The following CIAO1 variants were observed in gnomAD, a reference collection of about 807,000 sequenced individuals.
The protein encoded by CIAO1 is probable cytosolic iron-sulfur protein assembly protein CIAO1.
In CIAO1, 32 loss-of-function variants were observed where a neutral mutation model predicts 43.1. The ratio of observed to expected loss-of-function variants is 0.74; its 90% CI spans 0.56 to 1.00. CIAO1 has a LOEUF of 1.00. CIAO1 is among the 50% of genes least tolerant of loss of function. CIAO1 has a pLI of 0.00. For missense variants in CIAO1, 415 were observed against 437.4 expected, an observed-to-expected ratio of 0.95 and a Z score of 0.46; for synonymous variants, 183 against 171.4, an observed-to-expected ratio of 1.07 and a Z score of -0.53.
chr2:96,271,096 TCA>T lies in CIAO1; in HGVS notation c.780-13_780-12del. Reference sequence around the variant, plus strand: ...AATTAGTCAGGTATACCCACTGATGTCACTTTCCTTCCAGGTGTCAGCTGACA... The same window carrying T: ...AATTAGTCAGGTATACCCACTGATGTCTTTCCTTCCAGGTGTCAGCTGACA... On this transcript the variant is annotated splice_polypyrimidine_tract_variant and intron_variant, in intron 6 of 6. Coordinates refer to ENST00000488633, the MANE Select transcript of CIAO1 (RefSeq NM_004804.3). The T allele has an allele frequency of 6.2e-7, 1 of 1,614,110 alleles. No individual in the cohort carries two copies. Among genetic ancestry groups the T allele is most frequent in the Non-Finnish European group, 8.5e-7 (1 of 1,180,008 alleles).
chr2:96,266,324 C>T lies in CIAO1; in HGVS notation c.-27C>T. 1 of 1,379,704 alleles carries T rather than the reference C, an allele frequency of 7.2e-7. No homozygotes were observed. The highest frequency in any genetic ancestry group is 9.5e-7 in the Non-Finnish European group (1 of 1,050,578). 85.5% of individuals were successfully genotyped at this position (1,379,704 alleles called of 1,614,324 possible). On this transcript the variant is annotated 5_prime_UTR_variant, in exon 1 of 7. Transcript: ENST00000488633. The stretch of plus-strand genomic sequence containing the variant: ...TGTCTGCTCAGCGGACTCTGCCCGC[C>T]CCCACCTCCCCCTGCGTCGGGCCGA...
rs1326425243 is a variant in CIAO1 at position 96,272,598 on chromosome 2, G to C, written c.*1247G>C. ...GGCTGAGGCGGGCGGATCACCTGAG[G>C]TCGGGAGTTCGAGGCCAGCCTGACC... On this transcript the variant is annotated 3_prime_UTR_variant, in exon 7 of 7. Coordinates refer to ENST00000488633, the MANE Select transcript of CIAO1 (RefSeq NM_004804.3). 6.6e-6 allele frequency: 1 copy of C among 152,168 alleles called. No homozygotes were observed. The highest frequency in any genetic ancestry group is 1.9e-4 in the East Asian group (1 of 5,206). The allele number at this position is 152,168 out of a possible 1,614,324, so 9.4% of individuals were successfully genotyped here.
Position 96,268,549 on chromosome 2 carries a change from A to G in CIAO1, c.582A>G (p.Glu194=), listed in dbSNP as rs1684481142. ...GCTGTGCCACCCTTGAGGGCCATGAATCCACTGTGTGGAGCTTGGCCTTTG... is the reference window on the plus strand; with the variant it reads ...GCTGTGCCACCCTTGAGGGCCATGAGTCCACTGTGTGGAGCTTGGCCTTTG... The part of the protein sequence containing the change: ...WVCCATLEGH[E]STVWSLAFDP... The change falls in exon 5 of 7, where the codon GAA becomes GAG. Residue 194 remains glutamate (E), a synonymous_variant. Coordinates refer to ENST00000488633, the MANE Select transcript of CIAO1 (RefSeq NM_004804.3). 1.9e-6 allele frequency: 3 copies of G among 1,614,028 alleles called. No homozygotes were observed. Among genetic ancestry groups the G allele is most frequent in the Non-Finnish European group, 2.5e-6 (3 of 1,180,030 alleles).
chr2:96,270,514 A>C (rs1416789170), intron 6 of CIAO1, among the ~76,000 whole-genome samples: 1 of 151,462 alleles, frequency 6.6e-6, no homozygotes, highest in South Asian at 2.1e-4. Flanking sequence ...AAAAAAAAAA[A>C]AAACTTTATG....
intron 1 of CIAO1, 53 bp downstream of exon 1, chr2:96,266,542 G>T: frequency 7.4e-6 from 10 of 1,357,128 alleles, no homozygotes; most frequent in Non-Finnish European, 8.6e-6. Flanking sequence ...CAGCCTGCGC[G>T]TAGTGCAGGC....
At chr2:96,270,828 A>C (rs906726141) in intron 6 of CIAO1, among the ~76,000 whole-genome samples, 13 of 151,666 alleles carry the variant, frequency 8.6e-5, no homozygotes, top group Non-Finnish European at 1.9e-4. Flanking sequence ...AAAAAAAAAA[A>C]CAACTTTATG....
In CIAO1 at chr2:96,272,498, A is replaced by G. The variant is rs544669443; in HGVS notation, c.*1147A>G. The G allele has an allele frequency of 6.6e-6, 1 of 152,258 alleles. No individual in the cohort carries two copies. Among genetic ancestry groups the G allele is most frequent in the South Asian group, 2.1e-4 (1 of 4,836 alleles). The allele number at this position is 152,258 out of a possible 1,614,324, so 9.4% of individuals were successfully genotyped here. A position where few individuals can be genotyped will look rare whatever the true frequency, so the allele number is the denominator to read the frequency against. On this transcript the variant is annotated 3_prime_UTR_variant, in exon 7 of 7. Transcript: ENST00000488633. ...GTTTTGATATGTCCTTGATAGAACA[A>G]ATAGCAATGGTTAACTATTAAATGT...
rs1465298017 is a variant in CIAO1, at chr2:96,269,352, C to G, written c.776C>G (p.Ala259Gly). Reference protein sequence around the residue: ...GFHSRTIYDIAWCQLTGALAT... With the variant: ...GFHSRTIYDIGWCQLTGALAT... ...CACTCAAGGACCATTTATGACATTG[C>G]TTGGTAAGACTCCATCCCCCCACCC... Residue 259 changes from alanine (A) to glycine (G), a missense_variant, in exon 6 of 7, where the codon GCT becomes GGT. Physicochemically the swap from Ala to Gly is moderately conservative, Grantham distance 60 (BLOSUM62 0). Transcript: ENST00000488633. The G allele has an allele frequency of 6.2e-7, 1 of 1,613,362 alleles. No individual in the cohort carries two copies. Among genetic ancestry groups the G allele is most frequent in the Non-Finnish European group, 8.5e-7 (1 of 1,179,402 alleles).
chr2:96,266,388 C>T lies in CIAO1; in HGVS notation c.38C>T (p.Ala13Val). The T allele has an allele frequency of 6.6e-7, 1 of 1,517,966 alleles. No individual in the cohort carries two copies. Among genetic ancestry groups the T allele is most frequent in the South Asian group, 1.2e-5 (1 of 82,246 alleles). 94.0% of individuals were successfully genotyped at this position (1,517,966 alleles called of 1,614,324 possible). ...CTGGTGCTGCTGGGCCGTGTCCCGGCGCACCCGGACTCCCGCTGCTGGTTC... is the reference window on the plus strand; with the variant it reads ...CTGGTGCTGCTGGGCCGTGTCCCGGTGCACCCGGACTCCCGCTGCTGGTTC... ...DSLVLLGRVP[A>V]HPDSRCWFLA... Residue 13 changes from alanine to valine, a missense_variant, in exon 1 of 7, where the codon GCG (alanine) becomes GTG (valine). Transcript: ENST00000488633.
Position 96,267,919 on chromosome 2 carries a change from C to T in CIAO1, c.484C>T (p.Gln162Ter). 1 of 1,613,850 alleles carries T rather than the reference C, an allele frequency of 6.2e-7. No homozygotes were observed. Among genetic ancestry groups the T allele is most frequent in the Non-Finnish European group, 8.5e-7 (1 of 1,179,778 alleles). ...DVKHVVWHPS[Q>*]ELLASASYDD... ...CAAGCATGTGGTTTGGCACCCAAGT[C>T]AGGAGGTAAGAGTCAAGCAGGGACT... The change falls in exon 4 of 7, where the codon CAG becomes TAG. Residue 162 changes from glutamine to a stop codon, truncating the protein, a stop_gained. Transcript: ENST00000488633. LOFTEE classifies it high-confidence loss of function.
Position 96,266,262 on chromosome 2 carries a change from G to A in CIAO1, c.-89G>A, listed in dbSNP as rs1684425673. 2.4e-6 allele frequency: 3 copies of A among 1,262,256 alleles called. No homozygotes were observed. Among genetic ancestry groups the A allele is most frequent in the Admixed American group, 4.0e-5 (1 of 25,140 alleles). The allele number at this position is 1,262,256 out of a possible 1,614,324, so 78.2% of individuals were successfully genotyped here. ...AGCCTCTGTCGGCCGCGGAAGCCTG[G>A]AGTGGGCGGTACGCAGACGCGCGCG... On this transcript the variant is annotated 5_prime_UTR_variant, in exon 1 of 7. Coordinates refer to ENST00000488633, the MANE Select transcript of CIAO1 (RefSeq NM_004804.3).
rs145580402 is a variant in CIAO1 at position 96,273,832 on chromosome 2, CTG to C, written c.*2483_*2484del. On this transcript the variant is annotated 3_prime_UTR_variant, in exon 7 of 7. Transcript: ENST00000488633. ...TGTAGAAGCAGCTGTAAGAATTCAA[CTG>C]TTTATTATAACAAGATACTAAAGAG... 2.2e-3 allele frequency among the ~76,000 whole-genome samples: 338 copies of C among 152,156 alleles called. 7 individuals carry two copies. In the East Asian group the frequency reaches 0.049, roughly 22 times the overall value.
chr2:96,268,312 A>G, intron 4 of CIAO1, 145 bp from the exon 5 acceptor site: 2 of 705,678 alleles, frequency 2.8e-6, no homozygotes, highest in African/African-American at 1.8e-5. Flanking sequence ...AGATCGTGCT[A>G]TTGCACTCCA....
rs1573981216 is a variant in CIAO1, at chr2:96,268,471, C to T, written c.504C>T (p.Ala168=). Reference sequence around the variant, plus strand: ...TCTTCCCCCAGCTCTTAGCTTCTGCCAGCTATGATGACACAGTGAAGCTGT... The same window carrying T: ...TCTTCCCCCAGCTCTTAGCTTCTGCTAGCTATGATGACACAGTGAAGCTGT... ...WHPSQELLAS[A]SYDDTVKLYR... Residue 168 remains alanine, a synonymous_variant, in exon 5 of 7, where the codon GCC becomes GCT. Coordinates refer to ENST00000488633, the MANE Select transcript of CIAO1 (RefSeq NM_004804.3). The T allele has an allele frequency of 1.2e-6, 2 of 1,614,168 alleles. No homozygotes were observed. Among genetic ancestry groups the T allele is most frequent in the Non-Finnish European group, 1.7e-6 (2 of 1,180,006 alleles).
chr2:96,266,395 G>A lies in CIAO1; in HGVS notation c.45G>A (p.Pro15=). 2 of 1,527,928 alleles carry A rather than the reference G, an allele frequency of 1.3e-6. No homozygotes were observed. The highest frequency in any genetic ancestry group is 1.9e-5 in the Admixed American group (1 of 52,980). The allele number at this position is 1,527,928 out of a possible 1,614,324, so 94.6% of individuals were successfully genotyped here. A position where few individuals can be genotyped will look rare whatever the true frequency, so the allele number is the denominator to read the frequency against. ...TGCTGGGCCGTGTCCCGGCGCACCCGGACTCCCGCTGCTGGTTCCTGGCCT... is the reference window on the plus strand; with the variant it reads ...TGCTGGGCCGTGTCCCGGCGCACCCAGACTCCCGCTGCTGGTTCCTGGCCT... ...LVLLGRVPAH[P]DSRCWFLAWN... Residue 15 remains proline, a synonymous_variant, in exon 1 of 7, where the codon CCG becomes CCA. Coordinates refer to ENST00000488633, the MANE Select transcript of CIAO1 (RefSeq NM_004804.3).
rs928116399 is a variant in CIAO1 at position 96,273,152 on chromosome 2, T to C, written c.*1801T>C. ...ATCTGTACTCCACCATGAGCTTTATTGTTGGGGATATTAACAAATGTGATT... is the reference window on the plus strand; with the variant it reads ...ATCTGTACTCCACCATGAGCTTTATCGTTGGGGATATTAACAAATGTGATT... On this transcript the variant is annotated 3_prime_UTR_variant, in exon 7 of 7. Coordinates refer to ENST00000488633, the MANE Select transcript of CIAO1 (RefSeq NM_004804.3). 2.0e-5 allele frequency: 3 copies of C among 152,206 alleles called. No homozygotes were observed. Among genetic ancestry groups the C allele is most frequent in the Non-Finnish European group, 4.4e-5 (3 of 68,038 alleles). The allele number at this position is 152,206 out of a possible 1,614,324, so 9.4% of individuals were successfully genotyped here. A position where few individuals can be genotyped will look rare whatever the true frequency, so the allele number is the denominator to read the frequency against.
At chr2:96,268,396 C>T (rs932113809) in intron 4 of CIAO1, 61 bp from the exon 5 acceptor site, 1 of 1,384,364 alleles carries the variant, frequency 7.2e-7, no homozygotes, top group African/African-American at 1.4e-5. Flanking sequence ...TGGAACTGAC[C>T]TGTCCTTTGC....
rs184147889 is a variant in CIAO1 at position 96,268,639 on chromosome 2, T to C, written c.672T>C (p.Tyr224=). ...DDRTVRIWRQ[Y]LPGNEQGVAC... is the part of the protein sequence containing the mutation. ...GTACTGTGCGTATCTGGCGTCAGTA[T>C]CTACCAGGCAATGAACAAGGTGAGG... is the stretch of plus-strand genomic sequence containing the variant. The change falls in exon 5 of 7, where the codon TAT becomes TAC. Residue 224 remains tyrosine (Y), a synonymous_variant. Transcript: ENST00000488633. 28 of 1,614,164 alleles carry C rather than the reference T, an allele frequency of 1.7e-5. No homozygotes were observed. In the Admixed American group the frequency reaches 4.3e-4, roughly 25 times the overall value.
intron 1 of CIAO1, 39 bp from the exon 2 acceptor site, chr2:96,267,282 G>T: frequency 6.3e-7 from 1 of 1,588,682 alleles, no homozygotes. Context: ...TCATGGTGCT[G>T]CACCCAGCTC....
Sources: gnomAD v4.1 joint callset for allele counts (sites outside exome capture counted in the v4.1 genomes callset) on GRCh38, gnomAD v4.1.1 for gene constraint, MANE v1.5 for transcripts, NCBI Gene and HGNC (gene_info 2026-07-23, HGNC 2026-07-21) for gene names.